RPH3AL: variants seen among roughly 807,000 people sequenced by gnomAD.
RPH3AL encodes rab effector Noc2.
A neutral mutation model predicts 43.1 loss-of-function variants in RPH3AL; 38 were observed. The observed-to-expected ratio is 0.88, with a 90% CI of 0.68 to 1.15. The LOEUF is 1.15. RPH3AL is among the 50% of genes most tolerant of loss of function. RPH3AL has a pLI of 0.00. For synonymous variants in RPH3AL, 189 were observed against 176.3 expected (o/e 1.07, Z -0.57); for missense variants, 462 against 423.2 (o/e 1.09, Z -0.81).
intron 1 of RPH3AL, among the ~76,000 whole-genome samples, chr17:347,325 T>C (rs535761166): frequency 2.0e-5 from 3 of 152,274 alleles, no homozygotes; most frequent in African/African-American, 7.2e-5. Context: ...GGACTCTGTA[T>C]CTATGAAAAA....
Position 283,517 on chromosome 17 carries a change from C to T in RPH3AL, c.352-1663G>A, listed in dbSNP as rs979911363. On this transcript the variant is annotated intron_variant, in intron 5 of 9. Coordinates refer to ENST00000331302, the MANE Select transcript of RPH3AL (RefSeq NM_006987.4). This position sits in a 1 kb window ranked among gnomAD's most constrained non-coding sequence, Gnocchi z 4.2. ...GATTGGCAGGAAAATCTGCCCAAGC[C>T]TCAGCCACACTTGGGGCCCCTTTCC... Among the ~76,000 whole-genome samples, 2 of 152,170 alleles carry T rather than the reference C, an allele frequency of 1.3e-5. No homozygotes were observed. Among genetic ancestry groups the T allele is most frequent in the South Asian group, 2.1e-4 (1 of 4,824 alleles).
chr17:241,870 C>G (rs926017657), intron 7 of RPH3AL, among the ~76,000 whole-genome samples: 1 of 152,096 alleles, frequency 6.6e-6, no homozygotes, highest in Admixed American at 6.5e-5. Flanking sequence ...AATCCCCGCA[C>G]TTTGGGAGGC....
Position 225,983 on chromosome 17 carries a change from G to A in RPH3AL, c.614-6247C>T, listed in dbSNP as rs372992176. Reference sequence around the variant, plus strand: ...TCACAGAGTTGGGCTGGGAGCAGGCGAAAACGGCAAGACAACCGTGAACCA... The same window carrying A: ...TCACAGAGTTGGGCTGGGAGCAGGCAAAAACGGCAAGACAACCGTGAACCA... On this transcript the variant is annotated intron_variant, in intron 7 of 9. Coordinates refer to ENST00000331302, the MANE Select transcript of RPH3AL (RefSeq NM_006987.4). This position sits in a 1 kb window ranked among gnomAD's most constrained non-coding sequence, Gnocchi z 4.4. Among the ~76,000 whole-genome samples the A allele has an allele frequency of 2.6e-5, 4 of 152,376 alleles. No homozygotes were observed. The highest frequency in any genetic ancestry group is 2.1e-4 in the South Asian group (1 of 4,830).
At chr17:253,370 G>A (rs1157100769) in intron 6 of RPH3AL, among the ~76,000 whole-genome samples, 3 of 152,264 alleles carry the variant, frequency 2.0e-5, no homozygotes, top group African/African-American at 7.2e-5. Flanking sequence ...ACACCCCACA[G>A]AGCTGCATTC....
intron 6 of RPH3AL, among the ~76,000 whole-genome samples, chr17:260,870 C>G (rs552054061): frequency 6.6e-6 from 1 of 152,328 alleles, no homozygotes; most frequent in South Asian, 2.1e-4. Context: ...CCACACTAAG[C>G]TCTCCTTTTG....
At chr17:291,492 C>T (rs546678149) in intron 5 of RPH3AL, among the ~76,000 whole-genome samples, 7 of 152,244 alleles carry the variant, frequency 4.6e-5, no homozygotes, top group Admixed American at 6.5e-5. Flanking sequence ...CATTGGGAAC[C>T]GCGCTGCAGA....
intron 5 of RPH3AL, among the ~76,000 whole-genome samples, chr17:308,977 G>A (rs577055561): frequency 6.6e-6 from 1 of 152,294 alleles, no homozygotes; most frequent in African/African-American, 2.4e-5. Flanking sequence ...CCATCTCTAA[G>A]ACTGGAGGAC....
At chr17:280,396 G>T (rs941551556) in intron 6 of RPH3AL, among the ~76,000 whole-genome samples, 11 of 152,198 alleles carry the variant, frequency 7.2e-5, no homozygotes, top group African/African-American at 2.4e-4. Context: ...CCCAGCAGCA[G>T]CAGGGCCTGG....
intron 5 of RPH3AL, among the ~76,000 whole-genome samples, chr17:310,685 T>C (rs565832775): frequency 1.3e-5 from 2 of 152,308 alleles, no homozygotes; most frequent in Non-Finnish European, 2.9e-5. Context: ...CATTCCCAGC[T>C]GTAATTAATT....
intron 1 of RPH3AL, chr17:335,660 T>C (rs992338316): frequency 2.0e-5 from 3 of 152,082 alleles, no homozygotes; most frequent in African/African-American, 7.2e-5. Context: ...AACTATTCAG[T>C]TTGATTTTCC....
rs184454457 is a variant in RPH3AL at position 272,704 on chromosome 17, G to T, written c.438+9064C>A. Among the ~76,000 whole-genome samples the T allele has an allele frequency of 1.1e-3, 167 of 150,836 alleles. 1 individual carries two copies. Among genetic ancestry groups the T allele is most frequent in the African/African-American group, 3.6e-3 (148 of 41,142 alleles). On this transcript the variant is annotated intron_variant, in intron 6 of 9. Coordinates refer to ENST00000331302, the MANE Select transcript of RPH3AL (RefSeq NM_006987.4). The stretch of plus-strand genomic sequence containing the variant: ...CACACCAACATGGCACAGGTATACA[G>T]ATGTAACGAACCTGCACATTGAGCA...
chr17:311,370 G>A (rs934793818), intron 5 of RPH3AL, among the ~76,000 whole-genome samples: 1 of 152,108 alleles, frequency 6.6e-6, no homozygotes, highest in Non-Finnish European at 1.5e-5. Context: ...TCCAGCTTCC[G>A]GCCTCAGCCT....
intron 2 of RPH3AL, chr17:331,491 C>A: frequency 8.8e-7 from 1 of 1,130,782 alleles, no homozygotes; most frequent in South Asian, 1.5e-5. Flanking sequence ...GCACCCCCAC[C>A]CTGGCCGTGG....
rs142065792 is a variant in RPH3AL at position 303,350 on chromosome 17, C to T, written c.351+16070G>A. ...AGGCTGCCGTGAGCTAAGATCACAC[C>T]GCTGCACTCCAGCCGGGGCAGCACA... On this transcript the variant is annotated intron_variant, in intron 5 of 9. Transcript: ENST00000331302. Among the ~76,000 whole-genome samples the T allele has an allele frequency of 6.1e-3, 920 of 152,018 alleles. 4 individuals carry two copies. The highest frequency in any genetic ancestry group is 8.5e-3 in the Non-Finnish European group (577 of 67,982).
intron 6 of RPH3AL, among the ~76,000 whole-genome samples, chr17:258,419 C>T (rs1020371837): frequency 6.6e-6 from 1 of 152,218 alleles, no homozygotes; most frequent in South Asian, 2.1e-4. Context: ...ACTCAAGTTC[C>T]TGTAATTAAT....
intron 1 of RPH3AL, chr17:338,496 G>T (rs2045020451): frequency 6.6e-6 from 1 of 152,086 alleles, no homozygotes; most frequent in Admixed American, 6.6e-5. Context: ...CACACAGAGA[G>T]AGAGAGAAAG....
rs575029236 is a variant in RPH3AL at position 259,289 on chromosome 17, G to A, written c.439-12004C>T. Among the ~76,000 whole-genome samples the A allele has an allele frequency of 2.0e-5, 3 of 152,328 alleles. No individual in the cohort carries two copies. The South Asian group carries it at 6.2e-4, about 32-fold the overall frequency. Reference sequence around the variant, plus strand: ...GTACAGGAGGTGCACCCATGCAGATGTGCATAAAACACACTGTCAGTATTT... The same window carrying A: ...GTACAGGAGGTGCACCCATGCAGATATGCATAAAACACACTGTCAGTATTT... On this transcript the variant is annotated intron_variant, in intron 6 of 9. Transcript: ENST00000331302.
intron 7 of RPH3AL, among the ~76,000 whole-genome samples, chr17:244,662 T>C (rs2151540293): frequency 6.6e-6 from 1 of 152,216 alleles, no homozygotes; most frequent in South Asian, 2.1e-4. Context: ...CCTGGGACTT[T>C]CCAGCAGACC....
At chr17:253,507 A>G (rs1406822224) in intron 6 of RPH3AL, among the ~76,000 whole-genome samples, 1 of 152,150 alleles carries the variant, frequency 6.6e-6, no homozygotes, top group Non-Finnish European at 1.5e-5. Flanking sequence ...CTTTTTTAAA[A>G]AAATTAAAAA....
Sources: allele counts gnomAD v4.1 joint callset (sites outside exome capture counted in the v4.1 genomes callset), GRCh38; gene constraint gnomAD v4.1.1; non-coding constraint Gnocchi (gnomAD v3.1); transcripts MANE v1.5; gene names NCBI Gene and HGNC (gene_info 2026-07-23, HGNC 2026-07-21).